The following HAT1 variants were observed in gnomAD, a reference collection of about 807,000 sequenced individuals.
The protein encoded by HAT1 is histone acetyltransferase 1, also known as histone acetyltransferase type B catalytic subunit.
In HAT1, 20 loss-of-function variants were observed where a neutral mutation model predicts 56.6. The ratio of observed to expected loss-of-function variants is 0.35; its 90% CI spans 0.25 to 0.51. HAT1 has a LOEUF of 0.51. Among genes scored for constraint, HAT1 ranks in the 20% least tolerant of loss-of-function variants. The pLI is 0.95. For missense variants in HAT1, 408 were observed against 504.3 expected (o/e 0.81, Z 1.83); for synonymous variants, 146 against 165.5 (o/e 0.88, Z 0.91).
chr2:171,947,065 C>T (rs1687184999), intron 3 of HAT1, among the ~76,000 whole-genome samples: 1 of 152,000 alleles, frequency 6.6e-6, no homozygotes, highest in Non-Finnish European at 1.5e-5. Context: ...TGTTCATGAA[C>T]ATACAAATGG....
chr2:171,968,483 T>C lies in HAT1; in HGVS notation c.823+1534T>C, dbSNP rs373477573. Among the ~76,000 whole-genome samples the C allele has an allele frequency of 7.2e-5, 11 of 152,306 alleles. No homozygotes were observed. In the South Asian group the frequency reaches 1.0e-3, roughly 14 times the overall value. ...CTACTCCAACCAATAAAGTCCTTGA[T>C]ACTTAGCACCAATTAGCAGATAAAG... On this transcript the variant is annotated intron_variant, in intron 8 of 10. Coordinates refer to ENST00000264108, the MANE Select transcript of HAT1 (RefSeq NM_003642.4).
intron 2 of HAT1, among the ~76,000 whole-genome samples, chr2:171,928,669 T>C (rs1686659537): frequency 6.6e-6 from 1 of 152,072 alleles, no homozygotes; most frequent in African/African-American, 2.4e-5. Flanking sequence ...CCACCACGCC[T>C]GGCTAATTCT....
At chr2:171,922,718 CGCCTTCT>C (rs1686472555) in intron 1 of HAT1, 1 of 403,810 alleles carries the variant, frequency 2.5e-6, no homozygotes, top group South Asian at 1.4e-4. Flanking sequence ...TGGGGTTCTG[CGCCTTCT>C]GCCAGCAATC....
chr2:171,972,569 C>T (rs1007951197), intron 8 of HAT1, among the ~76,000 whole-genome samples: 3 of 152,192 alleles, frequency 2.0e-5, no homozygotes, highest in African/African-American at 4.8e-5. Context: ...TGGCCTGGCA[C>T]ACACAAAGTT....
intron 2 of HAT1, among the ~76,000 whole-genome samples, chr2:171,945,372 A>T (rs1687132433): frequency 6.6e-6 from 1 of 152,132 alleles, no homozygotes; most frequent in African/African-American, 2.4e-5. Flanking sequence ...TGAGTACAGC[A>T]GAGTGTTCTC....
At position 171,946,769 on chromosome 2, in the gene HAT1, A is replaced by G; in HGVS notation, c.174A>G (p.Gln58=). 1 of 1,518,286 alleles carries G rather than the reference A, an allele frequency of 6.6e-7. No homozygotes were observed. The highest frequency in any genetic ancestry group is 9.1e-7 in the Non-Finnish European group (1 of 1,103,900). The allele number at this position is 1,518,286 out of a possible 1,614,324, so 94.1% of individuals were successfully genotyped here. A position where few individuals can be genotyped will look rare whatever the true frequency, so the allele number is the denominator to read the frequency against. The change falls in exon 3 of 11, where the codon CAA becomes CAG. Residue 58 remains glutamine, a synonymous_variant. Transcript: ENST00000264108. ...CTTTCTTTCCTGAGTATACCCATCA[A>G]CTCTTTGGGGATGAGTAAGTAACTT... is the stretch of plus-strand genomic sequence containing the variant. ...IRTFFPEYTH[Q]LFGDDETAFG...
At chr2:171,933,972 G>C (rs1376829546) in intron 2 of HAT1, among the ~76,000 whole-genome samples, 2 of 152,176 alleles carry the variant, frequency 1.3e-5, no homozygotes, top group East Asian at 3.8e-4. Context: ...TGAGAGAACT[G>C]TCAAAATCTC....
intron 6 of HAT1, chr2:171,966,141 A>C (rs1209739520): frequency 1.2e-5 from 7 of 593,336 alleles, no homozygotes; most frequent in Admixed American, 9.0e-5. Flanking sequence ...CAGTAAAATG[A>C]GCTTTGCCTG....
chr2:171,974,187 A>AG (rs1687894875), intron 8 of HAT1, among the ~76,000 whole-genome samples: 1 of 105,726 alleles, frequency 9.5e-6, no homozygotes, highest in Non-Finnish European at 1.9e-5. Flanking sequence ...AAAAAAAAAA[A>AG]AAAAAGAAAA....
At chr2:171,956,715 C>T (rs10201430) in intron 4 of HAT1, among the ~76,000 whole-genome samples, 100,158 of 151,924 alleles carry the variant, frequency 0.66, 33,561 homozygotes, top group South Asian at 0.72. Flanking sequence ...AGGAGGTTTT[C>T]ATGGAAAGTA....
intron 2 of HAT1, among the ~76,000 whole-genome samples, chr2:171,931,469 G>A (rs1386132043): frequency 2.6e-5 from 4 of 152,002 alleles, no homozygotes; most frequent in Non-Finnish European, 5.9e-5. Context: ...GCAAGAGTTC[G>A]AGAAGACAAG....
intron 2 of HAT1, among the ~76,000 whole-genome samples, chr2:171,926,448 C>T (rs931061909): frequency 1.3e-5 from 2 of 152,188 alleles, no homozygotes; most frequent in Non-Finnish European, 2.9e-5. Context: ...CATGCGCCAC[C>T]ACGCCCGGCT....
At chr2:171,955,383 G>A (rs1207545004) in intron 4 of HAT1, among the ~76,000 whole-genome samples, 7 of 152,080 alleles carry the variant, frequency 4.6e-5, no homozygotes, top group Non-Finnish European at 4.4e-5. Context: ...AGGCCAAGGC[G>A]GGAGGATCAC....
chr2:171,941,282 G>A (rs971114676), intron 2 of HAT1, among the ~76,000 whole-genome samples: 32 of 151,894 alleles, frequency 2.1e-4, no homozygotes, highest in African/African-American at 7.5e-4. Flanking sequence ...GCGGGATCTC[G>A]GCTCACTGCA....
At chr2:171,925,768 T>A in intron 2 of HAT1, 127 bp downstream of exon 2, 1 of 549,610 alleles carries the variant, frequency 1.8e-6, no homozygotes, top group South Asian at 2.5e-5. Flanking sequence ...TTTTCTGCAT[T>A]TATTGAACAT....
chr2:171,948,679 A>G (rs1687231307), intron 3 of HAT1, among the ~76,000 whole-genome samples: 1 of 152,238 alleles, frequency 6.6e-6, no homozygotes, highest in African/African-American at 2.4e-5. Context: ...TTAATCTGAA[A>G]CAGATCCTCA....
intron 2 of HAT1, among the ~76,000 whole-genome samples, chr2:171,933,861 T>C (rs1410628148): frequency 6.6e-6 from 1 of 152,224 alleles, no homozygotes; most frequent in African/African-American, 2.4e-5. Context: ...TGAAAAATAA[T>C]TTATAGTCTG....
intron 3 of HAT1, among the ~76,000 whole-genome samples, chr2:171,947,241 T>G: frequency 6.6e-6 from 1 of 152,036 alleles, no homozygotes; most frequent in African/African-American, 2.4e-5. Context: ...TTGAGAGAAG[T>G]TTATTTATTT....
chr2:171,934,054 A>G (rs184234940), intron 2 of HAT1, among the ~76,000 whole-genome samples: 1 of 152,312 alleles, frequency 6.6e-6, no homozygotes, highest in East Asian at 1.9e-4. Flanking sequence ...CTCTGATATT[A>G]GGTACATACA....
Sources: allele counts gnomAD v4.1 joint callset (sites outside exome capture counted in the v4.1 genomes callset), GRCh38; gene constraint gnomAD v4.1.1; transcripts MANE v1.5; gene names NCBI Gene and HGNC (gene_info 2026-07-23, HGNC 2026-07-21).